Variants in ALS2 observed in about 807,000 individuals in gnomAD.
ALS2 encodes the protein alsin Rho guanine nucleotide exchange factor ALS2, also known as alsin.
A neutral mutation model predicts 203.4 loss-of-function variants in ALS2; 117 were observed. That is an observed-to-expected ratio of 0.58 (90% CI 0.50 to 0.67). The LOEUF is 0.67. Ranked by LOEUF, ALS2 falls within the 30% of genes least tolerant of loss-of-function variation. The probability of loss-of-function intolerance (pLI) is 0.00; values close to 1 mark genes in which losing one functional copy is unlikely to be tolerated. For synonymous variants in ALS2, 718 were observed against 725.9 expected (o/e 0.99, Z 0.17); for missense variants, 1,715 against 1,989.4 (o/e 0.86, Z 2.62).
In ALS2 at chr2:201,726,683, A is replaced by C. The variant is rs1338550749; in HGVS notation, c.3163T>G (p.Ser1055Ala). ...KDATYDGRWLSGKPHGRGVLK... is the reference protein window; with the variant it reads ...KDATYDGRWLAGKPHGRGVLK... ...TTTCACCTGCCATGAGGCTTCCCTG[A>C]AAGCCAGCGTCCATCATAGGTGGCA... Residue 1055 changes from serine to alanine, a missense_variant, in exon 18 of 34, where the codon TCA (serine) becomes GCA (alanine). This residue lies in a region of ALS2 where 1,227 missense variants were observed against 1,413.5 expected (regional missense o/e 0.87). Transcript: ENST00000264276. 3 of 1,614,066 alleles carry C rather than the reference A, an allele frequency of 1.9e-6. No individual in the cohort carries two copies. The African/African-American group carries it at 4.0e-5, about 22-fold the overall frequency.
intron 3 of ALS2, among the ~76,000 whole-genome samples, chr2:201,764,928 A>G (rs1694000532): frequency 6.6e-6 from 1 of 152,190 alleles, no homozygotes; most frequent in Non-Finnish European, 1.5e-5. Flanking sequence ...ATATTTTTGA[A>G]AAGTTTTCCT....
intron 12 of ALS2, among the ~76,000 whole-genome samples, chr2:201,734,775 G>A (rs77619573): frequency 0.013 from 2,022 of 152,140 alleles, 42 homozygotes; most frequent in African/African-American, 0.046. Context: ...AATCTTCCCC[G>A]AAAGAGGCCA....
Position 201,704,229 on chromosome 2 carries a change from G to A in ALS2, c.4839-11C>T, listed in dbSNP as rs375461979. 7.7e-5 allele frequency: 124 copies of A among 1,609,358 alleles called. No homozygotes were observed. The highest frequency in any genetic ancestry group is 3.7e-5 in the Non-Finnish European group (44 of 1,175,876). ...CCTAAATTCCTAATCCTGCCCCAGA[G>A]AGAAAAAGATGCTGAGTTATTTTCA... On this transcript the variant is annotated splice_polypyrimidine_tract_variant and intron_variant, in intron 32 of 33. Transcript: ENST00000264276.
intron 19 of ALS2, 24 bp downstream of exon 19, chr2:201,726,460 T>C: frequency 1.9e-6 from 3 of 1,598,742 alleles, no homozygotes; most frequent in Non-Finnish European, 2.6e-6. Flanking sequence ...GAATTTACTG[T>C]CATGTTTTAC....
chr2:201,744,767 A>G (rs1439097023), intron 9 of ALS2, among the ~76,000 whole-genome samples: 2 of 152,096 alleles, frequency 1.3e-5, no homozygotes, highest in African/African-American at 2.4e-5. Context: ...TCACATTACA[A>G]CTGTTTGGAA....
At chr2:201,774,397 G>A (rs181950959) in intron 1 of ALS2, among the ~76,000 whole-genome samples, 1 of 152,298 alleles carries the variant, frequency 6.6e-6, no homozygotes, top group African/African-American at 2.4e-5. Flanking sequence ...GAGGATAAGG[G>A]TTCCATATGA....
At position 201,715,804 on chromosome 2, in the gene ALS2, T is replaced by C. The variant is rs147078120; in HGVS notation, c.3872A>G (p.Glu1291Gly). ...KLGNLAVPAD[E>G]KWKAVFDECW... ...TTCGTCAAACACCGCTTTCCACTTC[T>C]CATCAGCTGGCACTGCCAGGTTTCC... The change falls in exon 25 of 34, where the codon GAG (glutamate) becomes GGG (glycine). Residue 1291 changes from glutamate to glycine, a missense_variant. Physicochemically the swap from Glu to Gly is moderately conservative, Grantham distance 98. Around this residue, in one of 3 missense-constraint regions of ALS2, gnomAD observed 1,227 missense variants for 1,413.5 expected, o/e 0.87. Transcript: ENST00000264276. 4.3e-5 allele frequency: 70 copies of C among 1,614,232 alleles called. No individual in the cohort carries two copies. The African/African-American group carries it at 6.3e-4, about 14-fold the overall frequency.
intron 10 of ALS2, among the ~76,000 whole-genome samples, chr2:201,742,149 A>G (rs550704037): frequency 1.3e-5 from 2 of 152,320 alleles, no homozygotes; most frequent in South Asian, 4.1e-4. Flanking sequence ...AGGACCACTG[A>G]GCTAATGCAA....
chr2:201,722,953 T>A, intron 23 of ALS2, 90 bp downstream of exon 23: 1 of 1,081,964 alleles, frequency 9.2e-7, no homozygotes, highest in Non-Finnish European at 1.4e-6. Context: ...GGGGTGAATT[T>A]TATGGCATGT....
In ALS2 at chr2:201,757,458, T is replaced by G; in HGVS notation, c.1415A>C (p.Glu472Ala). The G allele has an allele frequency of 6.2e-7, 1 of 1,614,098 alleles. No homozygotes were observed. Among genetic ancestry groups the G allele is most frequent in the East Asian group, 2.2e-5 (1 of 44,886 alleles). ...TCGACTGCCTCCCTCTGTTTCTTCT[T>G]CTCTGATATCCACAAGACTTGAACT... Reference protein sequence around the residue: ...KKSSSLVDIREEETEGGSRRL... With the variant: ...KKSSSLVDIRAEETEGGSRRL... The change falls in exon 5 of 34, where the codon GAA (glutamate) becomes GCA (alanine). Residue 472 changes from glutamate to alanine, a missense_variant. Glu to Ala is a moderately radical substitution (Grantham distance 107). Transcript: ENST00000264276.
intron 29 of ALS2, among the ~76,000 whole-genome samples, chr2:201,706,369 G>A (rs534485131): frequency 7.0e-6 from 1 of 143,676 alleles, no homozygotes; most frequent in East Asian, 2.0e-4. Context: ...CTGCATGACA[G>A]AGTGAAACTC....
chr2:201,756,821 G>A (rs1346207839), intron 5 of ALS2, among the ~76,000 whole-genome samples: 5 of 152,220 alleles, frequency 3.3e-5, no homozygotes, highest in African/African-American at 4.8e-5. Flanking sequence ...TAAGTCGAGA[G>A]TGGAACCTGA....
chr2:201,746,853 G>A (rs1338323565), intron 8 of ALS2, 105 bp from the exon 9 acceptor site: 3 of 1,313,820 alleles, frequency 2.3e-6, no homozygotes, highest in African/African-American at 1.4e-5. Flanking sequence ...GCGTGGTGCA[G>A]TCAGTCATAT....
chr2:201,763,575 AG>A (rs1693889322), intron 3 of ALS2: 1 of 293,276 alleles, frequency 3.4e-6, no homozygotes, highest in African/African-American at 2.2e-5. Context: ...GCTACAACAT[AG>A]GGTTTTTATA....
chr2:201,740,542 C>G (rs1033277086), intron 11 of ALS2, among the ~76,000 whole-genome samples: 7 of 143,730 alleles, frequency 4.9e-5, no homozygotes, highest in African/African-American at 1.7e-4. Flanking sequence ...ACAGAAACAA[C>G]AAAATCTAGT....
At chr2:201,777,262 A>G (rs1694703069) in intron 1 of ALS2, among the ~76,000 whole-genome samples, 1 of 152,098 alleles carries the variant, frequency 6.6e-6, no homozygotes, top group Non-Finnish European at 1.5e-5. Context: ...TTCATGTCCT[A>G]AAGAAAGCAT....
intron 33 of ALS2, among the ~76,000 whole-genome samples, chr2:201,703,726 G>A (rs974023478): frequency 3.3e-5 from 5 of 152,282 alleles, no homozygotes; most frequent in South Asian, 2.1e-4. Context: ...AAAGAAGATG[G>A]AATTCAAATT....
At chr2:201,715,925 A>G in intron 24 of ALS2, 86 bp from the exon 25 acceptor site, 3 of 1,507,534 alleles carry the variant, frequency 2.0e-6, no homozygotes, top group Non-Finnish European at 2.8e-6. Flanking sequence ...CATACAACTG[A>G]GAATGCTTTT....
chr2:201,729,879 C>CAAA (rs35065446), intron 13 of ALS2, among the ~76,000 whole-genome samples: 148 of 75,112 alleles, frequency 2.0e-3, no homozygotes, highest in African/African-American at 3.0e-3. Flanking sequence ...GACTCCGTCT[C>CAAA]AAAAAAAAAA....
Sources: gnomAD v4.1 joint callset for allele counts (sites outside exome capture counted in the v4.1 genomes callset) on GRCh38, gnomAD v4.1.1 for gene constraint, gnomAD v4.1.1 regional missense constraint, MANE v1.5 for transcripts, NCBI Gene and HGNC (gene_info 2026-07-23, HGNC 2026-07-21) for gene names.